The following EIF3B variants were observed in gnomAD, a reference collection of about 807,000 sequenced individuals.
EIF3B encodes the protein eukaryotic translation initiation factor 3 subunit 9.
A neutral mutation model predicts 104.6 loss-of-function variants in EIF3B; 10 were observed. The observed-to-expected ratio is 0.10, with a 90% confidence interval of 0.06 to 0.16. EIF3B has a LOEUF of 0.16. Among genes scored for constraint, EIF3B ranks in the 10% least tolerant of loss-of-function variants. The pLI, the probability that EIF3B is intolerant of heterozygous loss-of-function variation, is 1.00. For missense variants in EIF3B, 1,014 were observed against 1,087.9 expected, an observed-to-expected ratio of 0.93 and a Z score of 0.96; for synonymous variants, 542 against 417.2, an observed-to-expected ratio of 1.30 and a Z score of -3.65.
intron 15 of EIF3B, among the ~76,000 whole-genome samples, chr7:2,377,407 T>C (rs1780693668): frequency 6.6e-6 from 1 of 152,240 alleles, no homozygotes; most frequent in South Asian, 2.1e-4. Context: ...CCGTTGGTCT[T>C]AGGTCAGAGC....
intron 8 of EIF3B, 139 bp from the exon 9 acceptor site, chr7:2,366,860 G>T: frequency 1.1e-6 from 1 of 943,808 alleles, no homozygotes; most frequent in Non-Finnish European, 1.6e-6. Context: ...GGGTGGATGG[G>T]TTCACTGTCA....
intron 1 of EIF3B, among the ~76,000 whole-genome samples, chr7:2,356,964 T>G (rs1051717024): frequency 6.6e-6 from 1 of 152,170 alleles, no homozygotes; most frequent in African/African-American, 2.4e-5. Context: ...AACTTGTCCC[T>G]GAAGGTGGAG....
chr7:2,375,748 T>TG (rs549324519), intron 14 of EIF3B, among the ~76,000 whole-genome samples: 2 of 151,704 alleles, frequency 1.3e-5, no homozygotes, highest in African/African-American at 4.8e-5. Context: ...TGCGGGGAGG[T>TG]GGGGGGTCTT....
Position 2,372,878 on chromosome 7 carries a change from T to C in EIF3B, c.1810+83T>C, listed in dbSNP as rs552953575. On this transcript the variant is annotated intron_variant, in intron 12 of 18. Transcript: ENST00000360876. The stretch of plus-strand genomic sequence containing the variant: ...CGCTGCCCAACAGTGAGCATTTGAC[T>C]GGCCTAGGACCACTGCTGGGCAGGC... 9.2e-6 allele frequency: 14 copies of C among 1,523,556 alleles called. No individual in the cohort carries two copies. In the African/African-American group the frequency reaches 1.9e-4, roughly 21 times the overall value. 94.4% of individuals were successfully genotyped at this position (1,523,556 alleles called of 1,614,324 possible). A position where few individuals can be genotyped will look rare whatever the true frequency, so the allele number is the denominator to read the frequency against.
In EIF3B at chr7:2,355,010, C is replaced by T; in HGVS notation, c.89C>T (p.Pro30Leu). The change falls in exon 1 of 19, where the codon CCA (proline) becomes CTA (leucine). Residue 30 changes from proline to leucine, a missense_variant. Around this residue, in one of 4 missense-constraint regions of EIF3B, gnomAD observed 488 missense variants for 404.3 expected, o/e 1.21. Transcript: ENST00000360876. ...CAGCAGCCGGCCGCCGAGCCGCCGC[C>T]AGCCGAGGGGCTGCTGCGGCCCGCG... is the stretch of plus-strand genomic sequence containing the variant. ...GQQQPAAEPP[P>L]AEGLLRPAGP... is the part of the protein sequence containing the mutation. 1 of 1,186,524 alleles carries T rather than the reference C, an allele frequency of 8.4e-7. No individual in the cohort carries two copies. Among genetic ancestry groups the T allele is most frequent in the Non-Finnish European group, 1.0e-6 (1 of 962,102 alleles). The allele number at this position is 1,186,524 out of a possible 1,614,324, so 73.5% of individuals were successfully genotyped here. A position where few individuals can be genotyped will look rare whatever the true frequency, so the allele number is the denominator to read the frequency against.
Position 2,354,835 on chromosome 7 carries a change from G to A in EIF3B, c.-87G>A. On this transcript the variant is annotated 5_prime_UTR_variant, in exon 1 of 19. Coordinates refer to ENST00000360876, the MANE Select transcript of EIF3B (RefSeq NM_001037283.2). ...CTCCCCGTCGCACGCACATGGCTGG[G>A]CTGTAGCCGTCGCGGCGCGCGGTGC... is the stretch of plus-strand genomic sequence containing the variant. 1 of 1,039,322 alleles carries A rather than the reference G, an allele frequency of 9.6e-7. No individual in the cohort carries two copies. Among genetic ancestry groups the A allele is most frequent in the Non-Finnish European group, 1.2e-6 (1 of 864,348 alleles). 64.4% of individuals were successfully genotyped at this position (1,039,322 alleles called of 1,614,324 possible).
chr7:2,354,857 G>A lies in EIF3B; in HGVS notation c.-65G>A, dbSNP rs938240860. 13 of 1,079,990 alleles carry A rather than the reference G, an allele frequency of 1.2e-5. No individual in the cohort carries two copies. The Admixed American group carries it at 1.6e-4, about 13-fold the overall frequency. 66.9% of individuals were successfully genotyped at this position (1,079,990 alleles called of 1,614,324 possible). A position where few individuals can be genotyped will look rare whatever the true frequency, so the allele number is the denominator to read the frequency against. On this transcript the variant is annotated 5_prime_UTR_variant, in exon 1 of 19. In the 5' UTR this introduces an upstream ATG that the reference lacks. Transcript: ENST00000360876. ...TGGGCTGTAGCCGTCGCGGCGCGCG[G>A]TGCGGCCTGGGAGAGTCGGAAGCGC...
chr7:2,379,125 C>T lies in EIF3B; in HGVS notation c.2233-9C>T, dbSNP rs1318275423. 1.2e-6 allele frequency: 2 copies of T among 1,612,926 alleles called. No individual in the cohort carries two copies. The highest frequency in any genetic ancestry group is 1.7e-5 in the Admixed American group (1 of 59,912). ...ACCAGTTCTGTGCTTTCCCCAACCTCATGCATAGGAATTGGTGGAGAGAAG... is the reference window on the plus strand; with the variant it reads ...ACCAGTTCTGTGCTTTCCCCAACCTTATGCATAGGAATTGGTGGAGAGAAG... On this transcript the variant is annotated splice_polypyrimidine_tract_variant and intron_variant, in intron 16 of 18. Transcript: ENST00000360876.
intron 1 of EIF3B, among the ~76,000 whole-genome samples, chr7:2,359,567 G>T (rs1010729802): frequency 1.3e-5 from 2 of 152,154 alleles, no homozygotes; most frequent in East Asian, 3.8e-4. Flanking sequence ...TGTAACGTCC[G>T]TTATAATAAG....
intron 2 of EIF3B, 39 bp downstream of exon 2, chr7:2,360,941 G>A: frequency 2.6e-6 from 4 of 1,525,082 alleles, no homozygotes; most frequent in Non-Finnish European, 3.6e-6. Context: ...ATCTGTGTCT[G>A]GCACGTCATG....
intron 9 of EIF3B, chr7:2,367,253 C>T (rs776426947): frequency 1.5e-5 from 8 of 526,876 alleles, no homozygotes; most frequent in South Asian, 2.8e-5. Flanking sequence ...GACAGCCCCT[C>T]GGTCCAGCCT....
At chr7:2,379,592 C>A in intron 18 of EIF3B, 81 bp downstream of exon 18, 1 of 893,900 alleles carries the variant, frequency 1.1e-6, no homozygotes, top group Non-Finnish European at 1.8e-6. Context: ...GAGGAAGCAC[C>A]TCCTTTAAGG....
At chr7:2,374,338 C>A in intron 12 of EIF3B, 190 bp from the exon 13 acceptor site, 1 of 515,992 alleles carries the variant, frequency 1.9e-6, no homozygotes, top group Non-Finnish European at 3.5e-6. Context: ...TTTTTTTTCC[C>A]ATTTAAAGTA....
rs1232297552 is a variant in EIF3B at position 2,367,122 on chromosome 7, C to T, written c.1403+77C>T. 4.6e-6 allele frequency: 5 copies of T among 1,093,418 alleles called. No homozygotes were observed. In the African/African-American group the frequency reaches 6.6e-5, roughly 14 times the overall value. 67.7% of individuals were successfully genotyped at this position (1,093,418 alleles called of 1,614,324 possible). On this transcript the variant is annotated intron_variant, in intron 9 of 18. Transcript: ENST00000360876. ...AATACCAAAAAAAAAAAAAAAAACACAATACCATAGGCTGGGTGGCTTATG... is the reference window on the plus strand; with the variant it reads ...AATACCAAAAAAAAAAAAAAAAACATAATACCATAGGCTGGGTGGCTTATG...
chr7:2,375,649 AGCCTTGGCTGGTGTTAGTG>A (rs1780590634), intron 14 of EIF3B, 122 bp downstream of exon 14: 4 of 1,425,762 alleles, frequency 2.8e-6, no homozygotes, highest in Non-Finnish European at 3.8e-6. Flanking sequence ...GTTGAACAGA[AGCCTTGGCTGGTGTTAGTG>A]GCAGGAGGAG....
At chr7:2,357,804 G>T (rs566085077) in intron 1 of EIF3B, among the ~76,000 whole-genome samples, 10 of 152,278 alleles carry the variant, frequency 6.6e-5, no homozygotes, top group African/African-American at 2.4e-4. Context: ...CTACGTGTGG[G>T]CAGTTTCTCC....
chr7:2,378,866 C>G, intron 16 of EIF3B, 100 bp downstream of exon 16: 5 of 1,088,530 alleles, frequency 4.6e-6, no homozygotes, highest in Non-Finnish European at 6.8e-6. Context: ...AGAGTTGCCT[C>G]TGCTCCGAAG....
intron 13 of EIF3B, 190 bp downstream of exon 13, chr7:2,374,796 C>T (rs1780546343): frequency 6.0e-6 from 3 of 503,810 alleles, no homozygotes; most frequent in Non-Finnish European, 1.1e-5. Flanking sequence ...CAGGCCAAGC[C>T]CGCACAGAGT....
intron 12 of EIF3B, 36 bp downstream of exon 12, chr7:2,372,831 T>A (rs1266910130): frequency 6.2e-7 from 1 of 1,605,318 alleles, no homozygotes; most frequent in Admixed American, 1.7e-5. Flanking sequence ...TCTGAGTAGG[T>A]CAGCACAGAT....
Sources: gnomAD v4.1 joint callset for allele counts (sites outside exome capture counted in the v4.1 genomes callset) on GRCh38, gnomAD v4.1.1 for gene constraint, gnomAD v4.1.1 regional missense constraint, MANE v1.5 for transcripts, NCBI Gene and HGNC (gene_info 2026-07-23, HGNC 2026-07-21) for gene names.